The following MSRA variants were observed in gnomAD, a reference collection of about 807,000 sequenced individuals.
MSRA encodes the protein mitochondrial peptide methionine sulfoxide reductase.
A neutral mutation model predicts 31.3 loss-of-function variants in MSRA; 54 were observed. The observed-to-expected ratio is 1.73, with a 90% CI of 1.39 to 2.17. MSRA has a LOEUF of 2.17. Among genes scored for constraint, MSRA ranks in the 30% most tolerant of loss-of-function variants. MSRA has a pLI of 0.00. For synonymous variants in MSRA, 169 were observed against 116.5 expected (o/e 1.45, Z -2.90); for missense variants, 507 against 300.9 (o/e 1.69, Z -5.07).
chr8:10,172,069 A>G (rs1375182719), intron 1 of MSRA, among the ~76,000 whole-genome samples: 2 of 152,212 alleles, frequency 1.3e-5, no homozygotes. Flanking sequence ...CCAGATTTCC[A>G]TGGGGACTAG....
At chr8:10,406,173 G>T (rs1201616187) in intron 5 of MSRA, among the ~76,000 whole-genome samples, 1 of 152,230 alleles carries the variant, frequency 6.6e-6, no homozygotes, top group Non-Finnish European at 1.5e-5. Flanking sequence ...GGGCAGTGGC[G>T]GGAGAGAGTG....
At chr8:10,153,366 T>C (rs1803875906) in intron 1 of MSRA, among the ~76,000 whole-genome samples, 1 of 152,144 alleles carries the variant, frequency 6.6e-6, no homozygotes, top group African/African-American at 2.4e-5. Flanking sequence ...TGATGGCTCA[T>C]CCTGTCTCCC....
chr8:10,291,435 A>T (rs144114646), intron 3 of MSRA, among the ~76,000 whole-genome samples: 1 of 152,024 alleles, frequency 6.6e-6, no homozygotes, highest in Non-Finnish European at 1.5e-5. Flanking sequence ...AAAAGCCAAG[A>T]TAAAATGACA....
At chr8:10,421,227 G>A (rs1321500244) in intron 5 of MSRA, among the ~76,000 whole-genome samples, 1 of 152,138 alleles carries the variant, frequency 6.6e-6, no homozygotes, top group African/African-American at 2.4e-5. Flanking sequence ...GGCTGGCCTC[G>A]GCTGCTGACC....
intron 1 of MSRA, among the ~76,000 whole-genome samples, chr8:10,085,446 T>A (rs944262124): frequency 6.6e-6 from 1 of 152,216 alleles, no homozygotes; most frequent in South Asian, 2.1e-4. Flanking sequence ...ATAACTTCCA[T>A]GGATCTGTCC....
intron 5 of MSRA, among the ~76,000 whole-genome samples, chr8:10,377,667 G>T (rs1805830425): frequency 6.6e-6 from 1 of 152,222 alleles, no homozygotes; most frequent in African/African-American, 2.4e-5. Context: ...GAGCTTGGGA[G>T]CAAGCGGTCT....
rs956498662 is a variant in MSRA, at chr8:10,054,595, G to A, written c.79G>A (p.Ala27Thr). The A allele has an allele frequency of 3.2e-6, 5 of 1,581,016 alleles. No individual in the cohort carries two copies. In the South Asian group the frequency reaches 4.5e-5, roughly 14 times the overall value. Residue 27 changes from alanine (A) to threonine (T), a missense_variant, in exon 1 of 6, where the codon GCC (alanine) becomes ACC (threonine). Ala to Thr is a moderately conservative substitution (Grantham distance 58). Coordinates refer to ENST00000317173, the MANE Select transcript of MSRA (RefSeq NM_012331.5). Reference sequence around the variant, plus strand: ...TCCCGTCCCGAGGATGGGCAACTCGGCCTCGAACATCGTCAGCCCCCAGGA... The same window carrying A: ...TCCCGTCCCGAGGATGGGCAACTCGACCTCGAACATCGTCAGCCCCCAGGA... ...LFPVPRMGNS[A>T]SNIVSPQEAL...
intron 1 of MSRA, among the ~76,000 whole-genome samples, chr8:10,120,796 C>G (rs1283127638): frequency 6.6e-6 from 1 of 152,192 alleles, no homozygotes; most frequent in African/African-American, 2.4e-5. Context: ...TCTCCAAACG[C>G]TGTGGCTGCT....
intron 1 of MSRA, among the ~76,000 whole-genome samples, chr8:10,176,341 C>T (rs909486709): frequency 6.6e-6 from 1 of 152,138 alleles, no homozygotes; most frequent in Non-Finnish European, 1.5e-5. Flanking sequence ...CTGGGCAGTC[C>T]GTGCAGGCAG....
At chr8:10,309,499 T>C (rs983777441) in intron 4 of MSRA, among the ~76,000 whole-genome samples, 1 of 152,240 alleles carries the variant, frequency 6.6e-6, no homozygotes, top group Non-Finnish European at 1.5e-5. Flanking sequence ...GCTCATGTTC[T>C]GATTACCCCT....
At chr8:10,211,805 A>T (rs1156701891) in intron 2 of MSRA, among the ~76,000 whole-genome samples, 1 of 152,134 alleles carries the variant, frequency 6.6e-6, no homozygotes, top group African/African-American at 2.4e-5. Context: ...TCCGTTGGCC[A>T]CGGTCCACTC....
Position 10,282,004 on chromosome 8 carries a change from G to T in MSRA, c.332-19530G>T, listed in dbSNP as rs142318809. Among the ~76,000 whole-genome samples, 34 of 152,330 alleles carry T rather than the reference G, an allele frequency of 2.2e-4. 1 individual carries two copies. The highest frequency in any genetic ancestry group is 7.9e-4 in the African/African-American group (33 of 41,580). On this transcript the variant is annotated intron_variant, in intron 3 of 5. Transcript: ENST00000317173. ...CGAAGGTGGAGGGTTATAGTTTTGT[G>T]TAATAGCAGTGCTGGGAACAGGGTG... is the stretch of plus-strand genomic sequence containing the variant.
At chr8:10,146,196 C>A (rs770044920) in intron 1 of MSRA, among the ~76,000 whole-genome samples, 2 of 152,090 alleles carry the variant, frequency 1.3e-5, no homozygotes, top group Non-Finnish European at 2.9e-5. Context: ...AAAGGAAGAA[C>A]CCATATTTGC....
chr8:10,308,330 T>C (rs1235128794), intron 4 of MSRA, among the ~76,000 whole-genome samples: 1 of 152,172 alleles, frequency 6.6e-6, no homozygotes, highest in Non-Finnish European at 1.5e-5. Flanking sequence ...ATCAAACCTG[T>C]TGTTAAGAGT....
At chr8:10,124,687 A>G (rs1380707941) in intron 1 of MSRA, among the ~76,000 whole-genome samples, 2 of 152,232 alleles carry the variant, frequency 1.3e-5, no homozygotes, top group African/African-American at 2.4e-5. Flanking sequence ...TTCAAACCAA[A>G]TATCCACTTA....
At chr8:10,092,245 T>C (rs1798895244) in intron 1 of MSRA, among the ~76,000 whole-genome samples, 1 of 152,216 alleles carries the variant, frequency 6.6e-6, no homozygotes, top group Non-Finnish European at 1.5e-5. Flanking sequence ...CTGTATTGAG[T>C]TCTACTTTTA....
chr8:10,413,467 A>G (rs896279086), intron 5 of MSRA, among the ~76,000 whole-genome samples: 6 of 152,228 alleles, frequency 3.9e-5, no homozygotes, highest in African/African-American at 1.4e-4. Flanking sequence ...GAGTTGCCAC[A>G]TTATTTTTTA....
chr8:10,416,847 T>C (rs1351287320), intron 5 of MSRA, among the ~76,000 whole-genome samples: 2 of 152,172 alleles, frequency 1.3e-5, no homozygotes, highest in Non-Finnish European at 2.9e-5. Context: ...ACTCATTCCT[T>C]CCTCTCCTTC....
At chr8:10,346,085 C>T (rs535735822) in intron 5 of MSRA, among the ~76,000 whole-genome samples, 1 of 152,158 alleles carries the variant, frequency 6.6e-6, no homozygotes, top group Non-Finnish European at 1.5e-5. Flanking sequence ...CAACTGTGAC[C>T]TCTTGTGCAG....
Sources: gnomAD v4.1 joint callset for allele counts (sites outside exome capture counted in the v4.1 genomes callset) on GRCh38, gnomAD v4.1.1 for gene constraint, MANE v1.5 for transcripts, NCBI Gene and HGNC (gene_info 2026-07-23, HGNC 2026-07-21) for gene names.